Variants in ANKHD1 observed in about 807,000 individuals in gnomAD.
The protein encoded by ANKHD1 is ankyrin repeat and KH domain-containing protein 1.
Under a neutral mutation model 230.5 loss-of-function variants are expected in ANKHD1, and 31 were observed. The observed-to-expected ratio is 0.13, with a 90% CI of 0.10 to 0.18. The LOEUF is 0.18. Ranked by LOEUF, ANKHD1 falls within the 10% of genes least tolerant of loss-of-function variation. The pLI is 1.00. For missense variants in ANKHD1, 2,256 were observed against 3,071.3 expected, an observed-to-expected ratio of 0.73 and a Z score of 6.27; for synonymous variants, 1,074 against 1,117.6, an observed-to-expected ratio of 0.96 and a Z score of 0.78.
intron 1 of ANKHD1, among the ~76,000 whole-genome samples, chr5:140,412,542 A>G (rs1234156137): frequency 6.6e-6 from 1 of 152,226 alleles, no homozygotes; most frequent in Non-Finnish European, 1.5e-5. Context: ...GGGGAGCACT[A>G]TTCTAAAGAA....
intron 24 of ANKHD1, among the ~76,000 whole-genome samples, chr5:140,522,938 T>C (rs1027483761): frequency 6.6e-6 from 1 of 152,146 alleles, no homozygotes; most frequent in Non-Finnish European, 1.5e-5. Context: ...ACATCTATCT[T>C]TCTCTGTGCT....
chr5:140,478,363 C>A lies in ANKHD1; in HGVS notation c.1783-4217C>A, dbSNP rs1030886540. Among the ~76,000 whole-genome samples the A allele has an allele frequency of 2.3e-5, 3 of 127,862 alleles. No homozygotes were observed. In the South Asian group the frequency reaches 7.7e-4, roughly 33 times the overall value. 83.9% of individuals were successfully genotyped at this position (127,862 alleles called of 152,430 possible). On this transcript the variant is annotated intron_variant, in intron 10 of 33. Coordinates refer to ENST00000360839, the MANE Select transcript of ANKHD1 (RefSeq NM_017747.3). ...GCAAGCAAGGCTTTTCTTTCTTTTT[C>A]TTTTTTTTTTTTTTTAGGGGAAAAG...
In ANKHD1 at chr5:140,523,460, A is replaced by AT. The variant is rs577129164; in HGVS notation, c.4318-604dup. Among the ~76,000 whole-genome samples the AT allele has an allele frequency of 2.0e-3, 297 of 150,674 alleles. 2 individuals are homozygous for AT. Among genetic ancestry groups the AT allele is most frequent in the African/African-American group, 6.3e-3 (257 of 40,898 alleles). ...TGTTTTTTAAATGGACTGTCTTTTC[A>AT]TTCGTGAGTTGTAAGATTTTTTTTT... On this transcript the variant is annotated intron_variant, in intron 24 of 33. Transcript: ENST00000360839.
intron 1 of ANKHD1, among the ~76,000 whole-genome samples, chr5:140,432,941 G>A (rs995852828): frequency 2.6e-5 from 4 of 151,864 alleles, no homozygotes; most frequent in Non-Finnish European, 1.5e-5. Flanking sequence ...GGCCTCAAAT[G>A]ATCCCCCCCA....
rs1752542917 is a variant in ANKHD1 at position 140,506,529 on chromosome 5, T to A, written c.3409-306T>A. Among the ~76,000 whole-genome samples the A allele has an allele frequency of 1.3e-5, 2 of 152,234 alleles. No homozygotes were observed. Among genetic ancestry groups the A allele is most frequent in the African/African-American group, 4.8e-5 (2 of 41,460 alleles). ...AATAAAAATTATCTTAATCCTTACA[T>A]TTATTCGGATTGAATGAATCACAAT... On this transcript the variant is annotated intron_variant, in intron 18 of 33. Transcript: ENST00000360839. The surrounding 1 kb of genome is among the most constrained non-coding windows in gnomAD (Gnocchi z 4.7).
In ANKHD1 at chr5:140,507,607, G is replaced by A. The variant is rs909709869; in HGVS notation, c.3552-178G>A. ...CAGGCATGAGCCACCATGTCTGGCCGGAAATTATGTTTTAAATTGTGACAT... is the reference window on the plus strand; with the variant it reads ...CAGGCATGAGCCACCATGTCTGGCCAGAAATTATGTTTTAAATTGTGACAT... On this transcript the variant is annotated intron_variant, in intron 19 of 33. Transcript: ENST00000360839. The surrounding 1 kb of genome is among the most constrained non-coding windows in gnomAD (Gnocchi z 4.1). Among the ~76,000 whole-genome samples, 10 of 151,976 alleles carry A rather than the reference G, an allele frequency of 6.6e-5. No individual in the cohort carries two copies. Among genetic ancestry groups the A allele is most frequent in the African/African-American group, 2.2e-4 (9 of 41,398 alleles).
chr5:140,469,661 A>G (rs1278331354), intron 10 of ANKHD1, among the ~76,000 whole-genome samples: 2 of 152,172 alleles, frequency 1.3e-5, no homozygotes, highest in African/African-American at 2.4e-5. Flanking sequence ...TAAAAATCAG[A>G]TATTTATTCA....
At chr5:140,480,389 T>C (rs1443523427) in intron 10 of ANKHD1, among the ~76,000 whole-genome samples, 1 of 152,112 alleles carries the variant, frequency 6.6e-6, no homozygotes. Flanking sequence ...GAATTAACAG[T>C]TATTTTTTAA....
chr5:140,482,463 G>A (rs1216035119), intron 10 of ANKHD1, 117 bp from the exon 11 acceptor site: 2 of 1,140,182 alleles, frequency 1.8e-6, no homozygotes, highest in Non-Finnish European at 2.4e-6. Flanking sequence ...GGTATAAAGT[G>A]TCTACAATGA....
intron 10 of ANKHD1, among the ~76,000 whole-genome samples, chr5:140,477,936 G>A (rs1273389995): frequency 2.0e-5 from 3 of 152,128 alleles, no homozygotes; most frequent in Non-Finnish European, 4.4e-5. Context: ...AAAATTCATG[G>A]GGTTAAGAGG....
rs887469682 is a variant in ANKHD1, at chr5:140,476,311, G to A, written c.1783-6269G>A. Among the ~76,000 whole-genome samples the A allele has an allele frequency of 2.0e-5, 3 of 152,090 alleles. 1 individual carries two copies. Among genetic ancestry groups the A allele is most frequent in the African/African-American group, 7.2e-5 (3 of 41,454 alleles). ...GAGAGGATAGAAATGGAGGGGAGAGGAAATGTTTGAAGAGAATGGTGGAGA... is the reference window on the plus strand; with the variant it reads ...GAGAGGATAGAAATGGAGGGGAGAGAAAATGTTTGAAGAGAATGGTGGAGA... On this transcript the variant is annotated intron_variant, in intron 10 of 33. Coordinates refer to ENST00000360839, the MANE Select transcript of ANKHD1 (RefSeq NM_017747.3).
intron 7 of ANKHD1, among the ~76,000 whole-genome samples, chr5:140,451,153 A>AAAAAC (rs890679256): frequency 4.6e-4 from 70 of 152,194 alleles, no homozygotes; most frequent in South Asian, 1.2e-3. Context: ...CTCTGTCTCA[A>AAAAAC]AAAACAAAAC....
chr5:140,514,953 T>C (rs993195888), intron 24 of ANKHD1, among the ~76,000 whole-genome samples: 2 of 147,282 alleles, frequency 1.4e-5, no homozygotes, highest in African/African-American at 5.0e-5. Context: ...CACTCCAGCC[T>C]GGGTGACAGA....
At chr5:140,425,508 C>T (rs1278848028) in intron 1 of ANKHD1, among the ~76,000 whole-genome samples, 3 of 152,030 alleles carry the variant, frequency 2.0e-5, no homozygotes, top group African/African-American at 7.2e-5. Flanking sequence ...ATCTGCCCAC[C>T]TTAGCCTCGC....
intron 10 of ANKHD1, among the ~76,000 whole-genome samples, chr5:140,471,907 T>G (rs1028200874): frequency 6.6e-6 from 1 of 152,208 alleles, no homozygotes; most frequent in Non-Finnish European, 1.5e-5. Context: ...TTTCATTATT[T>G]TCTTTGGTTA....
At chr5:140,508,126 G>C in intron 20 of ANKHD1, 128 bp downstream of exon 20, 1 of 1,267,656 alleles carries the variant, frequency 7.9e-7, no homozygotes, top group Non-Finnish European at 1.1e-6. Context: ...CAGAGTTGAG[G>C]GATTATGCTG....
At chr5:140,530,361 G>A (rs1050248799) in intron 29 of ANKHD1, among the ~76,000 whole-genome samples, 7 of 151,966 alleles carry the variant, frequency 4.6e-5, no homozygotes, top group South Asian at 2.1e-4. Flanking sequence ...ACAGGCATGC[G>A]CCACCATGCC....
intron 29 of ANKHD1, among the ~76,000 whole-genome samples, chr5:140,532,423 G>C (rs1421953018): frequency 1.3e-5 from 2 of 151,880 alleles, no homozygotes; most frequent in African/African-American, 4.8e-5. Context: ...GATAGCTTAG[G>C]GGTGCAGAAT....
chr5:140,447,133 C>T (rs985497728), intron 6 of ANKHD1, among the ~76,000 whole-genome samples: 2 of 151,974 alleles, frequency 1.3e-5, no homozygotes, highest in African/African-American at 4.8e-5. Flanking sequence ...GGTCTCCTGA[C>T]CTCAAATGAT....
Sources: allele counts gnomAD v4.1 joint callset (sites outside exome capture counted in the v4.1 genomes callset), GRCh38; gene constraint gnomAD v4.1.1; non-coding constraint Gnocchi (gnomAD v3.1); transcripts MANE v1.5; gene names NCBI Gene and HGNC (gene_info 2026-07-23, HGNC 2026-07-21).